KLHL8: variants seen among roughly 807,000 people sequenced by gnomAD.
KLHL8 encodes the protein kelch like family member 8.
Under a neutral mutation model 63.5 loss-of-function variants are expected in KLHL8, and 38 were observed. The observed-to-expected ratio is 0.60, with a 90% CI of 0.46 to 0.78. The LOEUF (loss-of-function observed/expected upper bound fraction) is 0.78, where lower values mean the gene tolerates loss of function less well. KLHL8 is among the 30% of genes least tolerant of loss of function. KLHL8 has a pLI of 0.00. For synonymous variants in KLHL8, 224 were observed against 254.3 expected (o/e 0.88, Z 1.13); for missense variants, 566 against 752.4 (o/e 0.75, Z 2.90).
At chr4:87,201,567 C>T (rs1731920290) in intron 1 of KLHL8, among the ~76,000 whole-genome samples, 1 of 152,148 alleles carries the variant, frequency 6.6e-6, no homozygotes, top group South Asian at 2.1e-4. Context: ...CTCCTCCCAA[C>T]AAAGGCAGAA....
Position 87,231,229 on chromosome 4 carries a change from C to T in KLHL8, n.57+9029G>A, listed in dbSNP as rs116336384. ...CAGGGGAGTGAGCCTGGTCACCCTC[C>T]GCGGAATCTGTGTGATAATGTACCC... On this transcript the variant is annotated intron_variant and non_coding_transcript_variant, in intron 1 of 1. Transcript: ENST00000506274. Among the ~76,000 whole-genome samples, 340 of 152,294 alleles carry T rather than the reference C, an allele frequency of 2.2e-3. 2 individuals are homozygous for T. The highest frequency in any genetic ancestry group is 7.8e-3 in the African/African-American group (324 of 41,542).
At chr4:87,207,770 C>T in intron 1 of KLHL8, 1 of 862,410 alleles carries the variant, frequency 1.2e-6, no homozygotes, top group East Asian at 2.4e-5. Flanking sequence ...GGGAAGCTCA[C>T]TGGCATGGCC....
At position 87,205,702 on chromosome 4, in the gene KLHL8, G is replaced by A. The variant is rs184283026; in HGVS notation, c.-151-10012C>T. On this transcript the variant is annotated intron_variant, in intron 1 of 9. Coordinates refer to ENST00000273963, the MANE Select transcript of KLHL8 (RefSeq NM_020803.5). Reference sequence around the variant, plus strand: ...TGGTCTTGAACTCCTGGACTCAAGCGATCTGCCCACTTAGGCCTCCCAAAA... The same window carrying A: ...TGGTCTTGAACTCCTGGACTCAAGCAATCTGCCCACTTAGGCCTCCCAAAA... Among the ~76,000 whole-genome samples the A allele has an allele frequency of 4.0e-3, 612 of 152,172 alleles. 4 individuals carry two copies. The highest frequency in any genetic ancestry group is 0.014 in the African/African-American group (594 of 41,510).
chr4:87,190,434 C>G (rs1274674507), intron 2 of KLHL8, among the ~76,000 whole-genome samples: 1 of 152,112 alleles, frequency 6.6e-6, no homozygotes, highest in Admixed American at 6.5e-5. Context: ...CACCTGAGGT[C>G]AGGAGTTCAA....
chr4:87,163,425 G>T lies in KLHL8; in HGVS notation c.*94C>A. On this transcript the variant is annotated 3_prime_UTR_variant, in exon 10 of 10. Coordinates refer to ENST00000273963, the MANE Select transcript of KLHL8 (RefSeq NM_020803.5). Reference sequence around the variant, plus strand: ...TTAACATTTAAATAAGACTCTAGTTGCAGTAAAAAGTGTTGAAAGGTGGTC... The same window carrying T: ...TTAACATTTAAATAAGACTCTAGTTTCAGTAAAAAGTGTTGAAAGGTGGTC... The T allele has an allele frequency of 2.4e-6, 3 of 1,231,076 alleles. No individual in the cohort carries two copies. The highest frequency in any genetic ancestry group is 1.5e-5 in the African/African-American group (1 of 66,670). The allele number at this position is 1,231,076 out of a possible 1,614,324, so 76.3% of individuals were successfully genotyped here.
At chr4:87,168,698 GTA>G (rs964880290) in intron 8 of KLHL8, among the ~76,000 whole-genome samples, 36 of 143,244 alleles carry the variant, frequency 2.5e-4, no homozygotes, top group African/African-American at 4.7e-4. Context: ...ATATATATAC[GTA>G]TATATATGTG....
intron 4 of KLHL8, among the ~76,000 whole-genome samples, chr4:87,178,846 AC>A (rs1730936777): frequency 6.6e-6 from 1 of 152,106 alleles, no homozygotes; most frequent in Non-Finnish European, 1.5e-5. Flanking sequence ...TATGGTTTAT[AC>A]TCTCACCTAC....
At chr4:87,208,078 G>A in intron 1 of KLHL8, 2 of 570,288 alleles carry the variant, frequency 3.5e-6, no homozygotes, top group South Asian at 3.0e-5. Flanking sequence ...GGCCCACATG[G>A]CCTCCAAAAG....
In KLHL8 at chr4:87,164,082, A is replaced by G. The variant is rs760166531; in HGVS notation, c.1538-3T>C. The G allele has an allele frequency of 6.2e-7, 1 of 1,610,698 alleles. No homozygotes were observed. Among genetic ancestry groups the G allele is most frequent in the Non-Finnish European group, 8.5e-7 (1 of 1,176,930 alleles). Reference sequence around the variant, plus strand: ...AGGAGAATTATCATCAAAACCACCTATGTAAAGAAATATTTTAAAAACAGC... The same window carrying G: ...AGGAGAATTATCATCAAAACCACCTGTGTAAAGAAATATTTTAAAAACAGC... On this transcript the variant is annotated splice_polypyrimidine_tract_variant and splice_region_variant and intron_variant, in intron 8 of 9. Transcript: ENST00000273963.
intron 1 of KLHL8, among the ~76,000 whole-genome samples, chr4:87,199,942 C>T (rs1404183160): frequency 1.3e-5 from 2 of 151,594 alleles, no homozygotes; most frequent in African/African-American, 2.4e-5. Flanking sequence ...CCCAGGAGTT[C>T]GAGATCAGCC....
chr4:87,218,730 T>G (rs1732698698), intron 1 of KLHL8, among the ~76,000 whole-genome samples: 1 of 152,130 alleles, frequency 6.6e-6, no homozygotes, highest in Non-Finnish European at 1.5e-5. Flanking sequence ...TAGAGTATCC[T>G]TAGACTTTTT....
chr4:87,210,875 T>C (rs1732376686), intron 1 of KLHL8, among the ~76,000 whole-genome samples: 1 of 152,324 alleles, frequency 6.6e-6, no homozygotes, highest in African/African-American at 2.4e-5. Context: ...AACATCTTCC[T>C]ATTCCTAGTG....
chr4:87,222,876 G>A (rs912975410), upstream of KLHL8, among the ~76,000 whole-genome samples: 2 of 151,430 alleles, frequency 1.3e-5, no homozygotes, highest in Admixed American at 6.6e-5. Flanking sequence ...GAGCCACCAC[G>A]CCCGGCCTAC....
chr4:87,189,786 G>A (rs756201779), intron 2 of KLHL8, among the ~76,000 whole-genome samples: 4 of 151,970 alleles, frequency 2.6e-5, no homozygotes, highest in East Asian at 1.9e-4. Context: ...CACTTTGGGC[G>A]GGATCCACCG....
chr4:87,223,241 T>C (rs6531961), upstream of KLHL8, among the ~76,000 whole-genome samples: 21,303 of 152,026 alleles, frequency 0.14, 3,025 homozygotes, highest in African/African-American at 0.36. Flanking sequence ...CCCAAAGTGC[T>C]GGGATTACAG....
chr4:87,188,131 T>C (rs1731337239), intron 2 of KLHL8, among the ~76,000 whole-genome samples: 1 of 152,222 alleles, frequency 6.6e-6, no homozygotes, highest in African/African-American at 2.4e-5. Flanking sequence ...GAGACTAAAG[T>C]TGTAATGTAG....
intron 6 of KLHL8, among the ~76,000 whole-genome samples, chr4:87,172,534 A>G (rs995715798): frequency 6.6e-6 from 1 of 152,198 alleles, no homozygotes; most frequent in African/African-American, 2.4e-5. Flanking sequence ...ACAAACAAAA[A>G]TTTTATCCCA....
intron 1 of KLHL8, among the ~76,000 whole-genome samples, chr4:87,226,605 T>C (rs1351723436): frequency 1.5e-5 from 1 of 65,328 alleles, no homozygotes; most frequent in Admixed American, 2.7e-4. Context: ...ATAATATATA[T>C]ATTATTTATA....
At chr4:87,211,890 G>A (rs1282333817) in intron 1 of KLHL8, among the ~76,000 whole-genome samples, 3 of 152,168 alleles carry the variant, frequency 2.0e-5, no homozygotes, top group African/African-American at 4.8e-5. Flanking sequence ...TTAGATGCCT[G>A]CAACAGCTCG....
Sources: gnomAD v4.1 joint callset for allele counts (sites outside exome capture counted in the v4.1 genomes callset) on GRCh38, gnomAD v4.1.1 for gene constraint, MANE v1.5 for transcripts, NCBI Gene and HGNC (gene_info 2026-07-23, HGNC 2026-07-21) for gene names.